The following RAET1E variants were observed in gnomAD, a reference collection of about 807,000 sequenced individuals.
The protein encoded by RAET1E is NKG2D ligand 4.
In RAET1E, 27 loss-of-function variants were observed where a neutral mutation model predicts 21.1. The ratio of observed to expected loss-of-function variants is 1.28; its 90% confidence interval spans 0.94 to 1.76. The LOEUF (loss-of-function observed/expected upper bound fraction) is 1.76, where lower values mean the gene tolerates loss of function less well. Among genes scored for constraint, RAET1E ranks in the 40% most tolerant of loss-of-function variants. RAET1E has a pLI of 0.00. For synonymous variants in RAET1E, 113 were observed against 115.0 expected (o/e 0.98, Z 0.11); for missense variants, 310 against 311.3 (o/e 1.00, Z 0.03).
chr6:149,884,526 G>A lies in RAET1E; in HGVS notation c.*3972C>T, dbSNP rs1330087432. 2.0e-6 allele frequency: 3 copies of A among 1,535,650 alleles called. No homozygotes were observed. The highest frequency in any genetic ancestry group is 2.4e-5 in the East Asian group (1 of 40,916). ...CTGCCTTTAGGAAGGAGACAAAAGA[G>A]TGCAGAACCCTGGGTCAGATCAGCT... On this transcript the variant is annotated 3_prime_UTR_variant, in exon 6 of 6. Transcript: ENST00000357183.
At position 149,888,687 on chromosome 6, in the gene RAET1E, G is replaced by GA. The variant is rs749983414; in HGVS notation, c.623-21dup. The GA allele has an allele frequency of 8.7e-6, 12 of 1,373,088 alleles. No individual in the cohort carries two copies. The highest frequency in any genetic ancestry group is 1.5e-5 in the South Asian group (1 of 65,370). The allele number at this position is 1,373,088 out of a possible 1,614,324, so 85.1% of individuals were successfully genotyped here. ...GTGACACTAAAAAAAAAAAAAAAAAGAAAAAAAAGCACAAGCCCTGTCACA... is the reference window on the plus strand; with the variant it reads ...GTGACACTAAAAAAAAAAAAAAAAAGAAAAAAAAAGCACAAGCCCTGTCACA... On this transcript the variant is annotated intron_variant, in intron 5 of 5. Transcript: ENST00000357183.
In RAET1E at chr6:149,895,966, G is replaced by C. The variant is rs1455536347; in HGVS notation, c.-254C>G. The stretch of plus-strand genomic sequence containing the variant: ...GTATCCTCACACAGTGGAGAGCAGA[G>C]ACAGACAGCAAGCTCTCCTATCACT... On this transcript the variant is annotated 5_prime_UTR_variant, in exon 2 of 6. Transcript: ENST00000357183. 1 of 152,268 alleles carries C rather than the reference G, an allele frequency of 6.6e-6. No homozygotes were observed. Among genetic ancestry groups the C allele is most frequent in the African/African-American group, 2.4e-5 (1 of 41,472 alleles). 9.4% of individuals were successfully genotyped at this position (152,268 alleles called of 1,614,324 possible).
chr6:149,897,912 C>T (rs1482426720), intron 1 of RAET1E, 109 bp downstream of exon 1: 8 of 151,210 alleles, frequency 5.3e-5, no homozygotes, highest in Admixed American at 4.6e-4. Flanking sequence ...TCATTATCTG[C>T]CCCTGGTTCT....
intron 1 of RAET1E, chr6:149,896,291 A>G (rs1004853417): frequency 6.6e-6 from 1 of 152,244 alleles, no homozygotes; most frequent in African/African-American, 2.4e-5. Flanking sequence ...ACAGACTTCA[A>G]AGAAAGTAAC....
chr6:149,885,873 C>T lies in RAET1E; in HGVS notation c.*2625G>A, dbSNP rs545884168. Among the ~76,000 whole-genome samples, 67 of 152,288 alleles carry T rather than the reference C, an allele frequency of 4.4e-4. No individual in the cohort carries two copies. The highest frequency in any genetic ancestry group is 1.4e-3 in the Admixed American group (21 of 15,304). On this transcript the variant is annotated 3_prime_UTR_variant, in exon 6 of 6. Transcript: ENST00000357183. ...TACAAAAGTAATGTCCTCAAGTAAG[C>T]GCATCAATTTACTGACATACACCCA...
At chr6:149,888,955 A>T in intron 5 of RAET1E, 1 of 768,218 alleles carries the variant, frequency 1.3e-6, no homozygotes. Flanking sequence ...GGAGGATGAC[A>T]CAATGGGTGG....
rs776308613 is a variant in RAET1E at position 149,890,146 on chromosome 6, C to T, written c.86-1G>A. ...AAGTTGAAGCAAAGAGAGTGACCAC[C>T]TGTGAGACAAAGATGCAGGTGAGGT... is the stretch of plus-strand genomic sequence containing the variant. On this transcript the variant is annotated splice_acceptor_variant, in intron 3 of 5. Coordinates refer to ENST00000357183, the MANE Select transcript of RAET1E (RefSeq NM_001394057.1). LOFTEE classifies it high-confidence loss of function. The T allele has an allele frequency of 6.2e-7, 1 of 1,613,900 alleles. No homozygotes were observed. Among genetic ancestry groups the T allele is most frequent in the Non-Finnish European group, 8.5e-7 (1 of 1,179,888 alleles).
At chr6:149,889,666 A>G (rs6933882) in intron 4 of RAET1E, 43 bp from the exon 5 acceptor site, 673,224 of 1,601,196 alleles carry the variant, frequency 0.42, 147,365 homozygotes, top group East Asian at 0.87. Flanking sequence ...CTCTTTGAGA[A>G]GTCCATCATC....
At chr6:149,888,890 C>A (rs926818027) in intron 5 of RAET1E, among the ~76,000 whole-genome samples, 4 of 152,098 alleles carry the variant, frequency 2.6e-5, no homozygotes, top group African/African-American at 4.8e-5. Flanking sequence ...AGAGAGGTAG[C>A]AAATATCCAT....
chr6:149,889,746 C>A, intron 4 of RAET1E, 123 bp from the exon 5 acceptor site: 1 of 1,487,354 alleles, frequency 6.7e-7, no homozygotes, highest in Non-Finnish European at 9.2e-7. Context: ...TTGCCCTTTC[C>A]TGCCCATTGG....
intron 2 of RAET1E, among the ~76,000 whole-genome samples, chr6:149,892,844 A>G (rs1400268905): frequency 6.6e-6 from 1 of 152,136 alleles, no homozygotes; most frequent in South Asian, 2.1e-4. Context: ...CCTATGTCTT[A>G]TGTTTAAGTC....
Position 149,889,336 on chromosome 6 carries a change from C to G in RAET1E, c.622+12G>C. The G allele has an allele frequency of 6.2e-7, 1 of 1,613,682 alleles. No individual in the cohort carries two copies. ...AAGGGAGCTGCCACATTCTCCCACC[C>G]AGCTCAGTTACCTGTCGGTTCTGGC... On this transcript the variant is annotated intron_variant, in intron 5 of 5. Coordinates refer to ENST00000357183, the MANE Select transcript of RAET1E (RefSeq NM_001394057.1).
chr6:149,884,575 C>T lies in RAET1E; in HGVS notation c.*3923G>A. Reference sequence around the variant, plus strand: ...CTCAGGATTGACCCCTCCGTGATCTCTCAGGACTCAGATCCCACCTCTCTC... The same window carrying T: ...CTCAGGATTGACCCCTCCGTGATCTTTCAGGACTCAGATCCCACCTCTCTC... On this transcript the variant is annotated 3_prime_UTR_variant, in exon 6 of 6. Transcript: ENST00000357183. 1 of 1,341,240 alleles carries T rather than the reference C, an allele frequency of 7.5e-7. No individual in the cohort carries two copies. The highest frequency in any genetic ancestry group is 1.0e-6 in the Non-Finnish European group (1 of 970,496). The allele number at this position is 1,341,240 out of a possible 1,614,324, so 83.1% of individuals were successfully genotyped here.
Position 149,889,986 on chromosome 6 carries a change from T to A in RAET1E, c.245A>T (p.Tyr82Phe). Residue 82 changes from tyrosine to phenylalanine, a missense_variant, in exon 4 of 6, where the codon TAT becomes TTT. Coordinates refer to ENST00000357183, the MANE Select transcript of RAET1E (RefSeq NM_001394057.1). ...KPLGLLGKKV[Y>F]ATSTWGELTQ... ...CAATTCTCCCCAAGTGCTGGTGGCA[T>A]ATACCTTCTTCCCCAGGAGGCCCAG... 6.2e-7 allele frequency: 1 copy of A among 1,614,104 alleles called. No individual in the cohort carries two copies. The highest frequency in any genetic ancestry group is 1.7e-5 in the Admixed American group (1 of 60,006).
At chr6:149,894,973 A>T (rs1778055271) in intron 2 of RAET1E, among the ~76,000 whole-genome samples, 1 of 151,996 alleles carries the variant, frequency 6.6e-6, no homozygotes, top group African/African-American at 2.4e-5. Context: ...GGGACGTGCT[A>T]ATCCTTTCTG....
intron 1 of RAET1E, among the ~76,000 whole-genome samples, chr6:149,896,958 C>A (rs1252562264): frequency 6.6e-6 from 1 of 152,172 alleles, no homozygotes; most frequent in Non-Finnish European, 1.5e-5. Flanking sequence ...AAGGAATAGC[C>A]ATTTTCCAAC....
At position 149,888,838 on chromosome 6, in the gene RAET1E, TA is replaced by T. The variant is rs533436224; in HGVS notation, c.623-172del. 5.9e-5 allele frequency among the ~76,000 whole-genome samples: 9 copies of T among 152,106 alleles called. No homozygotes were observed. In the South Asian group the frequency reaches 1.9e-3, roughly 32 times the overall value. On this transcript the variant is annotated intron_variant, in intron 5 of 5. Transcript: ENST00000357183. ...CCAGGCCCTGGGCCATGAAGATGAA[TA>T]GGGGTTGTGCCTTGTCCTTATGGAG...
At chr6:149,895,629 A>G (rs1389401398) in intron 2 of RAET1E, 2 of 152,228 alleles carry the variant, frequency 1.3e-5, no homozygotes, top group Non-Finnish European at 2.9e-5. Context: ...TTAGGGCTCT[A>G]AGTTTTGAAT....
chr6:149,887,040 A>C lies in RAET1E; in HGVS notation c.*1458T>G, dbSNP rs1040365634. ...CCCACTCTGCCTCCCACTTCTGTTC[A>C]GCTCAGCTGTGGGCACTGACCTCCA... On this transcript the variant is annotated 3_prime_UTR_variant, in exon 6 of 6. Coordinates refer to ENST00000357183, the MANE Select transcript of RAET1E (RefSeq NM_001394057.1). Among the ~76,000 whole-genome samples the C allele has an allele frequency of 2.0e-5, 3 of 152,112 alleles. No homozygotes were observed. Among genetic ancestry groups the C allele is most frequent in the Non-Finnish European group, 4.4e-5 (3 of 68,010 alleles).
Sources: allele counts gnomAD v4.1 joint callset (sites outside exome capture counted in the v4.1 genomes callset), GRCh38; gene constraint gnomAD v4.1.1; transcripts MANE v1.5; gene names NCBI Gene and HGNC (gene_info 2026-07-23, HGNC 2026-07-21).